Variants in UTP20 observed in about 807,000 individuals in gnomAD.
UTP20 encodes UTP20 small subunit processome component, also known as small subunit processome component 20 homolog.
In UTP20, 164 loss-of-function variants were observed where a neutral mutation model predicts 329.5. The observed-to-expected ratio is 0.50, with a 90% CI of 0.44 to 0.57. The LOEUF is 0.57. UTP20 is among the 20% of genes least tolerant of loss of function. The pLI is 0.00. For missense variants in UTP20, 3,055 were observed against 3,284.2 expected (o/e 0.93, Z 1.71); for synonymous variants, 1,151 against 1,159.3 (o/e 0.99, Z 0.14).
rs1330644770 is a variant in UTP20 at position 101,357,042 on chromosome 12, T to C, written c.5651T>C (p.Val1884Ala). The C allele has an allele frequency of 6.2e-7, 1 of 1,613,570 alleles. No homozygotes were observed. Among genetic ancestry groups the C allele is most frequent in the South Asian group, 1.1e-5 (1 of 90,922 alleles). Residue 1884 changes from valine (V) to alanine (A), a missense_variant, in exon 43 of 62, where the codon GTT becomes GCT. Physicochemically the swap from Val to Ala is moderately conservative, Grantham distance 64 (BLOSUM62 0). Coordinates refer to ENST00000261637, the MANE Select transcript of UTP20 (RefSeq NM_014503.3). ...CTTGGTGTGCACTTCCTCCTATATG[T>C]TTTAAAAGAATTACAGACTACTCTT... ...EDLGVHFLLYVLKELQTTLVR... is the reference protein window; with the variant it reads ...EDLGVHFLLYALKELQTTLVR...
intron 25 of UTP20, among the ~76,000 whole-genome samples, chr12:101,325,831 G>A (rs1868534303): frequency 6.6e-6 from 1 of 152,188 alleles, no homozygotes; most frequent in South Asian, 2.1e-4. Context: ...CATTCAAGTG[G>A]AAATTAGGAT....
intron 60 of UTP20, 93 bp downstream of exon 60, chr12:101,383,762 C>T: frequency 9.7e-7 from 1 of 1,028,382 alleles, no homozygotes; most frequent in Non-Finnish European, 1.3e-6. Context: ...GTCCTCCCTC[C>T]CTGCCTGAGA....
chr12:101,319,592 G>A lies in UTP20; in HGVS notation c.2786G>A (p.Arg929Gln), dbSNP rs370328018. ...LQVFSKFSNP[R>Q]ALYLESKLYE... is the part of the protein sequence containing the mutation. ...GTTTTCTCTAAATTTTCAAATCCAC[G>A]GGCCTTATATCTGGAATCCAAACTA... The change falls in exon 23 of 62, where the codon CGG becomes CAG. Residue 929 changes from arginine (R) to glutamine (Q), a missense_variant. By Grantham distance (43) the Arg-to-Gln change is conservative. Around this residue, in one of 3 missense-constraint regions of UTP20, gnomAD observed 2,445 missense variants for 2,575.5 expected, o/e 0.95. Coordinates refer to ENST00000261637, the MANE Select transcript of UTP20 (RefSeq NM_014503.3). 20 of 1,607,562 alleles carry A rather than the reference G, an allele frequency of 1.2e-5. No individual in the cohort carries two copies. The Admixed American group carries it at 1.4e-4, about 11-fold the overall frequency.
At chr12:101,298,770 A>T (rs777878397) in intron 12 of UTP20, among the ~76,000 whole-genome samples, 7 of 152,190 alleles carry the variant, frequency 4.6e-5, no homozygotes, top group Non-Finnish European at 7.3e-5. Flanking sequence ...ATTGATAATT[A>T]AATTAACTTA....
intron 44 of UTP20, 27 bp from the exon 45 acceptor site, chr12:101,363,549 T>C: frequency 1.2e-6 from 2 of 1,602,504 alleles, no homozygotes; most frequent in South Asian, 1.1e-5. Flanking sequence ...GTGCATATAA[T>C]TGCCATTTGT....
chr12:101,280,357 C>T, intron 1 of UTP20, 30 bp downstream of exon 1: 2 of 1,551,594 alleles, frequency 1.3e-6, no homozygotes, highest in South Asian at 1.2e-5. Flanking sequence ...CAGGGAGCCG[C>T]GGGTCTCCGC....
At chr12:101,280,472 G>A (rs2137223486) in intron 1 of UTP20, 145 bp downstream of exon 1, 1 of 1,020,644 alleles carries the variant, frequency 9.8e-7, no homozygotes, top group Admixed American at 2.4e-5. Flanking sequence ...GGAGACACTG[G>A]ATGTAGTAAA....
intron 11 of UTP20, among the ~76,000 whole-genome samples, chr12:101,294,964 C>T (rs1872300675): frequency 6.6e-6 from 1 of 152,178 alleles, no homozygotes; most frequent in South Asian, 2.1e-4. Context: ...CATGACAAAA[C>T]TGTCAGATAA....
At chr12:101,384,088 A>G (rs1453273839) in intron 60 of UTP20, among the ~76,000 whole-genome samples, 3 of 152,136 alleles carry the variant, frequency 2.0e-5, no homozygotes, top group Non-Finnish European at 4.4e-5. Flanking sequence ...CCTCTTCTGT[A>G]TGCTTTCTGC....
chr12:101,383,027 G>GC lies in UTP20; in HGVS notation c.7657-14_7657-13insC. 1 of 1,558,186 alleles carries GC rather than the reference G, an allele frequency of 6.4e-7. No individual in the cohort carries two copies. The highest frequency in any genetic ancestry group is 8.7e-7 in the Non-Finnish European group (1 of 1,153,314). On this transcript the variant is annotated splice_polypyrimidine_tract_variant and intron_variant, in intron 58 of 61. Transcript: ENST00000261637. The stretch of plus-strand genomic sequence containing the variant: ...AATGTCCAATTTCTTCCCCCACCCC[G>GC]TTTTTTTTTAAAGGTTGTTAAGAAT...
chr12:101,303,404 C>T (rs1158362290), intron 15 of UTP20, among the ~76,000 whole-genome samples: 4 of 152,064 alleles, frequency 2.6e-5, no homozygotes, highest in Admixed American at 1.3e-4. Flanking sequence ...GTGAGGGGAG[C>T]GGTAGCAGTT....
intron 56 of UTP20, 131 bp from the exon 57 acceptor site, chr12:101,379,240 A>C: frequency 6.8e-6 from 5 of 730,292 alleles, no homozygotes; most frequent in Non-Finnish European, 8.5e-6. Flanking sequence ...CTTCCCAGCC[A>C]TTGGCTTATT....
intron 40 of UTP20, among the ~76,000 whole-genome samples, 198 bp downstream of exon 40, chr12:101,353,327 T>A (rs1869602058): frequency 6.6e-6 from 1 of 152,210 alleles, no homozygotes; most frequent in African/African-American, 2.4e-5. Flanking sequence ...AAGAAAAGGC[T>A]AGTCTAAATT....
At position 101,356,671 on chromosome 12, in the gene UTP20, G is replaced by A. The variant is rs762028396; in HGVS notation, c.5512G>A (p.Val1838Ile). The change falls in exon 42 of 62, where the codon GTT (valine) becomes ATT (isoleucine). Residue 1838 changes from valine to isoleucine, a missense_variant. Val to Ile is a conservative substitution (Grantham distance 29, BLOSUM62 3). Coordinates refer to ENST00000261637, the MANE Select transcript of UTP20 (RefSeq NM_014503.3). The part of the protein sequence containing the change: ...VKLMQSLPQE[V>I]MEANLPSILL... ...ACTAATGCAGTCCCTTCCACAAGAA[G>A]TTATGGAAGCTAATCTGCCAAGGTA... 3 of 1,610,998 alleles carry A rather than the reference G, an allele frequency of 1.9e-6. No homozygotes were observed. The East Asian group carries it at 6.7e-5, about 36-fold the overall frequency.
chr12:101,338,866 CAGT>C lies in UTP20; in HGVS notation c.3924_3926del (p.Gln1308_Tyr1309delinsHis). The C allele has an allele frequency of 6.2e-7, 1 of 1,612,108 alleles. No homozygotes were observed. Among genetic ancestry groups the C allele is most frequent in the Non-Finnish European group, 8.5e-7 (1 of 1,179,414 alleles). ...TCTACCTCATGTACCTGCAATTCTTCAGTATCTCAGCAAAACCACAATAAGCGC... is the reference window on the plus strand; with the variant it reads ...TCTACCTCATGTACCTGCAATTCTTCATCTCAGCAAAACCACAATAAGCGC... On this transcript the variant is annotated inframe_deletion, in exon 31 of 62. Transcript: ENST00000261637.
intron 5 of UTP20, 110 bp downstream of exon 5, chr12:101,286,619 A>T: frequency 1.1e-6 from 1 of 907,638 alleles, no homozygotes; most frequent in Non-Finnish European, 1.5e-6. Flanking sequence ...GTTTCCATGT[A>T]CAAAGTTGAT....
At chr12:101,359,415 T>C (rs912992818) in intron 43 of UTP20, among the ~76,000 whole-genome samples, 1 of 151,958 alleles carries the variant, frequency 6.6e-6, no homozygotes, top group African/African-American at 2.4e-5. Flanking sequence ...TCTCCTCTCC[T>C]GGGACTCCAG....
At chr12:101,309,547 A>T (rs1263171981) in intron 18 of UTP20, among the ~76,000 whole-genome samples, 1 of 152,242 alleles carries the variant, frequency 6.6e-6, no homozygotes, top group Non-Finnish European at 1.5e-5. Flanking sequence ...TGTTTGCTGT[A>T]GCGATTCTTC....
In UTP20 at chr12:101,367,996, C is replaced by G. The variant is rs748788380; in HGVS notation, c.6384+20C>G. 8.0e-6 allele frequency: 12 copies of G among 1,494,040 alleles called. No individual in the cohort carries two copies. Among genetic ancestry groups the G allele is most frequent in the Non-Finnish European group, 1.1e-5 (12 of 1,071,246 alleles). 92.5% of individuals were successfully genotyped at this position (1,494,040 alleles called of 1,614,324 possible). ...GTGAAGGTAAGCATCGGTTTGCACT[C>G]TGCATTGGAGCATTTATTTCTTCAG... On this transcript the variant is annotated intron_variant, in intron 48 of 61. Coordinates refer to ENST00000261637, the MANE Select transcript of UTP20 (RefSeq NM_014503.3).
Sources: allele counts gnomAD v4.1 joint callset (sites outside exome capture counted in the v4.1 genomes callset), GRCh38; gene constraint gnomAD v4.1.1; regional missense constraint gnomAD v4.1.1; transcripts MANE v1.5; gene names NCBI Gene and HGNC (gene_info 2026-07-23, HGNC 2026-07-21).